MLLT6: variants seen among roughly 807,000 people sequenced by gnomAD.
MLLT6 encodes MLLT6, PHD finger containing, also known as protein AF-17.
A neutral mutation model predicts 103.0 loss-of-function variants in MLLT6; 22 were observed. The observed-to-expected ratio is 0.21, with a 90% CI of 0.15 to 0.31. MLLT6 has a LOEUF of 0.31. MLLT6 is among the 10% of genes least tolerant of loss of function. The pLI is 1.00. For synonymous variants in MLLT6, 606 were observed against 623.5 expected, an observed-to-expected ratio of 0.97 and a Z score of 0.42; for missense variants, 1,199 against 1,441.7, an observed-to-expected ratio of 0.83 and a Z score of 2.73.
At chr17:38,712,863 GT>G in intron 8 of MLLT6, 74 bp downstream of exon 8, 1 of 1,140,666 alleles carries the variant, frequency 8.8e-7, no homozygotes, top group Non-Finnish European at 1.3e-6. Flanking sequence ...GGGGCGAGAG[GT>G]TGGTGAGTCA....
chr17:38,710,149 G>A (rs1198529250), intron 6 of MLLT6, among the ~76,000 whole-genome samples: 1 of 152,204 alleles, frequency 6.6e-6, no homozygotes, highest in Non-Finnish European at 1.5e-5. Context: ...GACTAGCGTG[G>A]ACAAAGTCCT....
rs1470902831 is a variant in MLLT6 at position 38,709,508 on chromosome 17, A to G, written c.485A>G (p.Glu162Gly). The change falls in exon 6 of 20, where the codon GAG becomes GGG. Residue 162 changes from glutamate (E) to glycine (G), a missense_variant. By Grantham distance (98) the Glu-to-Gly change is moderately conservative. Around this residue, in one of 7 missense-constraint regions of MLLT6, gnomAD observed 59 missense variants for 135.1 expected, o/e 0.44. Coordinates refer to ENST00000621332, the MANE Select transcript of MLLT6 (RefSeq NM_005937.4). The surrounding 1 kb of genome is among the most constrained non-coding windows in gnomAD (Gnocchi z 4.3). The stretch of plus-strand genomic sequence containing the variant: ...GCCCAAATGGCAGGCTTGCTGTGTG[A>G]GGAAGAAGTGCTGGAGGTGGACAAC... ...TCAQMAGLLC[E>G]EEVLEVDNVK... The G allele has an allele frequency of 6.2e-7, 1 of 1,614,092 alleles. No individual in the cohort carries two copies. Among genetic ancestry groups the G allele is most frequent in the Non-Finnish European group, 8.5e-7 (1 of 1,180,020 alleles).
intron 4 of MLLT6, 185 bp from the exon 5 acceptor site, chr17:38,708,988 A>G (rs1476833402): frequency 3.4e-6 from 2 of 591,972 alleles, no homozygotes; most frequent in African/African-American, 1.9e-5. Flanking sequence ...CTTATAGCCC[A>G]TGTGACTGGT....
At position 38,719,764 on chromosome 17, in the gene MLLT6, G is replaced by C. The variant is rs774552527; in HGVS notation, c.2024G>C (p.Ser675Thr). Reference sequence around the variant, plus strand: ...TCTGGCCGCAGGTCCCCCATCAGCAGCCTCCCCGCACTCTTCGACCAGACA... The same window carrying C: ...TCTGGCCGCAGGTCCCCCATCAGCACCCTCCCCGCACTCTTCGACCAGACA... ...ESLSSMSPIS[S>T]LPALFDQTAS... is the part of the protein sequence containing the mutation. The change falls in exon 14 of 20, where the codon AGC becomes ACC. Residue 675 changes from serine to threonine, a missense_variant. Transcript: ENST00000621332. The C allele has an allele frequency of 1.2e-6, 2 of 1,610,424 alleles. No homozygotes were observed. Among genetic ancestry groups the C allele is most frequent in the Admixed American group, 3.4e-5 (2 of 59,686 alleles).
chr17:38,713,368 C>G (rs1905211145), intron 8 of MLLT6: 2 of 349,380 alleles, frequency 5.7e-6, no homozygotes, highest in East Asian at 8.5e-5. Context: ...CAGGCCCTAC[C>G]CTAGGCCAGG....
chr17:38,706,990 C>T lies in MLLT6; in HGVS notation c.150C>T (p.Phe50=), dbSNP rs745596321. The T allele has an allele frequency of 5.0e-6, 8 of 1,612,474 alleles. No individual in the cohort carries two copies. Among genetic ancestry groups the T allele is most frequent in the Non-Finnish European group, 5.1e-6 (6 of 1,178,774 alleles). ...TTCAGGTGCCAACGGGACCCTGGTT[C>T]TGCCGGAAATGTGAATCTCAGGAGC... is the stretch of plus-strand genomic sequence containing the variant. The part of the protein sequence containing the change: ...GIVQVPTGPW[F]CRKCESQERA... Residue 50 remains phenylalanine, a synonymous_variant, in exon 2 of 20, where the codon TTC becomes TTT. Transcript: ENST00000621332.
intron 8 of MLLT6, 176 bp downstream of exon 8, chr17:38,712,965 C>A: frequency 1.3e-6 from 1 of 766,694 alleles, no homozygotes; most frequent in South Asian, 1.4e-5. Context: ...TAGAAGGGGC[C>A]ACCAATCACC....
At chr17:38,714,848 C>T (rs1305594411) in intron 8 of MLLT6, 1 of 152,468 alleles carries the variant, frequency 6.6e-6, no homozygotes, top group Non-Finnish European at 1.5e-5. Context: ...TCAACCACCA[C>T]CCTGCCGCTC....
chr17:38,715,655 C>G lies in MLLT6; in HGVS notation c.863C>G (p.Thr288Arg), dbSNP rs200078918. The G allele has an allele frequency of 1.2e-6, 2 of 1,613,850 alleles. No individual in the cohort carries two copies. Among genetic ancestry groups the G allele is most frequent in the East Asian group, 2.2e-5 (1 of 44,898 alleles). Reference sequence around the variant, plus strand: ...TCTTCCTCCCACCACGAGGCCAGCACGCAGGAGACCTCTGAGAGCAGCAGG... The same window carrying G: ...TCTTCCTCCCACCACGAGGCCAGCAGGCAGGAGACCTCTGAGAGCAGCAGG... ...ASSSSHHEASTQETSESSRES... is the reference protein window; with the variant it reads ...ASSSSHHEASRQETSESSRES... Residue 288 changes from threonine to arginine, a missense_variant, in exon 9 of 20, where the codon ACG becomes AGG. This residue lies in a region of MLLT6 where 1,034 missense variants were observed against 1,091.5 expected (regional missense o/e 0.95). Transcript: ENST00000621332.
chr17:38,719,320 T>C lies in MLLT6; in HGVS notation c.1943-197T>C, dbSNP rs550495944. 2.0e-5 allele frequency: 12 copies of C among 593,748 alleles called. No individual in the cohort carries two copies. In the East Asian group the frequency reaches 2.9e-4, roughly 14 times the overall value. The allele number at this position is 593,748 out of a possible 1,614,324, so 36.8% of individuals were successfully genotyped here. ...CAGCCCAGAGGAGGAAGAGAGCAGA[T>C]GCCCGGGGTTTGCCTCCCAGGGGCA... On this transcript the variant is annotated intron_variant, in intron 12 of 19. Transcript: ENST00000621332.
At position 38,724,764 on chromosome 17, in the gene MLLT6, C is replaced by T. The variant is rs755563235; in HGVS notation, c.3028C>T (p.Pro1010Ser). The change falls in exon 19 of 20, where the codon CCT becomes TCT. Residue 1010 changes from proline to serine, a missense_variant. Physicochemically the swap from Pro to Ser is moderately conservative, Grantham distance 74. This residue lies in a region of MLLT6 where 1,034 missense variants were observed against 1,091.5 expected (regional missense o/e 0.95). Coordinates refer to ENST00000621332, the MANE Select transcript of MLLT6 (RefSeq NM_005937.4). The surrounding 1 kb of genome is among the most constrained non-coding windows in gnomAD (Gnocchi z 5.4). ...CACCCCGCTGCTGTCTGCGGGTACC[C>T]CTGGCCTGCTGCCCACAGCGTCTGC... ...SSTPLLSAGT[P>S]GLLPTASAPP... 20 of 1,608,736 alleles carry T rather than the reference C, an allele frequency of 1.2e-5. No individual in the cohort carries two copies. Among genetic ancestry groups the T allele is most frequent in the Admixed American group, 1.7e-5 (1 of 59,392 alleles).
rs753025448 is a variant in MLLT6, at chr17:38,721,950, C to T, written c.2515C>T (p.Leu839Phe). Residue 839 changes from leucine (L) to phenylalanine (F), a missense_variant, in exon 17 of 20, where the codon CTC becomes TTC. Physicochemically the swap from Leu to Phe is conservative, Grantham distance 22. This residue lies in a region of MLLT6 where 1,034 missense variants were observed against 1,091.5 expected (regional missense o/e 0.95). Coordinates refer to ENST00000621332, the MANE Select transcript of MLLT6 (RefSeq NM_005937.4). Reference sequence around the variant, plus strand: ...CCACAGCACGCCCCCACCGCTGCCCCTCCTCCAGCAGAGCCCTGCCACTCT... The same window carrying T: ...CCACAGCACGCCCCCACCGCTGCCCTTCCTCCAGCAGAGCCCTGCCACTCT... ...SFHSTPPPLPLLQQSPATLPL... is the reference protein window; with the variant it reads ...SFHSTPPPLPFLQQSPATLPL... 105 of 1,527,896 alleles carry T rather than the reference C, an allele frequency of 6.9e-5. No homozygotes were observed. The highest frequency in any genetic ancestry group is 1.6e-4 in the Admixed American group (8 of 50,916). 94.6% of individuals were successfully genotyped at this position (1,527,896 alleles called of 1,614,324 possible). A position where few individuals can be genotyped will look rare whatever the true frequency, so the allele number is the denominator to read the frequency against.
intron 6 of MLLT6, among the ~76,000 whole-genome samples, chr17:38,710,718 A>G (rs1207241135): frequency 1.3e-5 from 2 of 152,178 alleles, no homozygotes; most frequent in Admixed American, 6.5e-5. Context: ...GGGGGAACAC[A>G]TGTCCTGATT....
Position 38,707,840 on chromosome 17 carries a change from C to T in MLLT6, c.322C>T (p.Leu108=), listed in dbSNP as rs146193619. 18 of 1,613,300 alleles carry T rather than the reference C, an allele frequency of 1.1e-5. No individual in the cohort carries two copies. The highest frequency in any genetic ancestry group is 1.4e-5 in the Non-Finnish European group (17 of 1,179,624). The change falls in exon 4 of 20, where the codon CTG becomes TTG. Residue 108 remains leucine (L), a synonymous_variant. Coordinates refer to ENST00000621332, the MANE Select transcript of MLLT6 (RefSeq NM_005937.4). ...CGTGCTCACCATGGAGCCCATCGTG[C>T]TGCAGTACGTGCCTCATGATCGCTT... ...ANVLTMEPIV[L]QYVPHDRFNK...
At chr17:38,721,597 T>G (rs1456154491) in intron 16 of MLLT6, among the ~76,000 whole-genome samples, 2 of 152,198 alleles carry the variant, frequency 1.3e-5, no homozygotes, top group Non-Finnish European at 1.5e-5. Flanking sequence ...GGTCAAGCCC[T>G]CAGCCCAGGA....
chr17:38,713,890 CAG>C (rs1182209486), intron 8 of MLLT6: 1 of 152,326 alleles, frequency 6.6e-6, no homozygotes, highest in Non-Finnish European at 1.5e-5. Flanking sequence ...AAGAGGAAGA[CAG>C]AGACCAGGAC....
At chr17:38,719,955 C>A (rs1905606890) in intron 14 of MLLT6, 60 bp downstream of exon 14, 3 of 1,490,818 alleles carry the variant, frequency 2.0e-6, no homozygotes, top group African/African-American at 2.8e-5. Flanking sequence ...TCACCTTTCT[C>A]CCCGAGGTCC....
chr17:38,710,510 G>A (rs939333058), intron 6 of MLLT6, among the ~76,000 whole-genome samples: 2 of 152,234 alleles, frequency 1.3e-5, no homozygotes, highest in African/African-American at 2.4e-5. Flanking sequence ...GCTGGTGGCC[G>A]GGAGACAGCT....
At chr17:38,710,109 C>G (rs993630849) in intron 6 of MLLT6, among the ~76,000 whole-genome samples, 5 of 152,272 alleles carry the variant, frequency 3.3e-5, no homozygotes, top group African/African-American at 1.2e-4. Context: ...CAGGAGCCTG[C>G]CAAACAGAGA....
Sources: allele counts gnomAD v4.1 joint callset (sites outside exome capture counted in the v4.1 genomes callset), GRCh38; gene constraint gnomAD v4.1.1; regional missense constraint gnomAD v4.1.1; non-coding constraint Gnocchi (gnomAD v3.1); transcripts MANE v1.5; gene names NCBI Gene and HGNC (gene_info 2026-07-23, HGNC 2026-07-21).